The following CCDC148 variants were observed in gnomAD, a reference collection of about 807,000 sequenced individuals.
The protein encoded by CCDC148 is coiled-coil domain-containing protein 148.
Under a neutral mutation model 85.7 loss-of-function variants are expected in CCDC148, and 89 were observed. The ratio of observed to expected loss-of-function variants is 1.04; its 90% CI spans 0.87 to 1.24. The LOEUF is 1.24. Among genes scored for constraint, CCDC148 ranks in the 50% most tolerant of loss-of-function variants. The probability of loss-of-function intolerance (pLI) is 0.00; values close to 1 mark genes in which losing one functional copy is unlikely to be tolerated. For synonymous variants in CCDC148, 230 were observed against 213.9 expected, an observed-to-expected ratio of 1.08 and a Z score of -0.66; for missense variants, 692 against 671.7, an observed-to-expected ratio of 1.03 and a Z score of -0.33.
At chr2:158,415,688 CAA>C (rs1686468186) in intron 1 of CCDC148, among the ~76,000 whole-genome samples, 2 of 152,124 alleles carry the variant, frequency 1.3e-5, no homozygotes, top group South Asian at 4.1e-4. Context: ...ACTCCCTTTC[CAA>C]AAGAGAGAAA....
At chr2:158,222,741 C>T (rs548689890) in intron 10 of CCDC148, among the ~76,000 whole-genome samples, 3 of 152,214 alleles carry the variant, frequency 2.0e-5, no homozygotes, top group South Asian at 2.1e-4. Flanking sequence ...ATGTTAACAC[C>T]ACATGGATAT....
In CCDC148 at chr2:158,309,069, T is replaced by C. The variant is rs373020651; in HGVS notation, c.1110+364A>G. On this transcript the variant is annotated intron_variant, in intron 9 of 13. Transcript: ENST00000283233. ...CATTTGAACTTTTTGCTATCTTTGA[T>C]GTGAATGAGAAGTCCAAGAGTCTTT... 5.9e-5 allele frequency among the ~76,000 whole-genome samples: 9 copies of C among 152,334 alleles called. No homozygotes were observed. In the South Asian group the frequency reaches 1.7e-3, roughly 28 times the overall value.
chr2:158,279,537 T>C (rs1429826493), intron 9 of CCDC148, among the ~76,000 whole-genome samples: 2 of 151,826 alleles, frequency 1.3e-5, no homozygotes, highest in Non-Finnish European at 2.9e-5. Context: ...TGATGGAAGA[T>C]GAAATGAATG....
intron 2 of CCDC148, among the ~76,000 whole-genome samples, chr2:158,356,957 C>A (rs1429237952): frequency 3.8e-4 from 55 of 145,640 alleles, no homozygotes; most frequent in Middle Eastern, 3.2e-3. Context: ...TGGAAAACAT[C>A]ATTCTCAGTA....
At position 158,309,479 on chromosome 2, in the gene CCDC148, T is replaced by G. The variant is rs1312207246; in HGVS notation, c.1064A>C (p.Lys355Thr). 1.9e-6 allele frequency: 3 copies of G among 1,614,186 alleles called. No homozygotes were observed. Among genetic ancestry groups the G allele is most frequent in the Non-Finnish European group, 2.5e-6 (3 of 1,180,010 alleles). ...ATHEMESMLAKDKKKQQELCA... is the reference protein window; with the variant it reads ...ATHEMESMLATDKKKQQELCA... ...CAATTCCTGTTGCTTTTTCTTGTCC[T>G]TAGCCAACATGCTCTCCATTTCATG... The change falls in exon 9 of 14, where the codon AAG (lysine) becomes ACG (threonine). Residue 355 changes from lysine (K) to threonine (T), a missense_variant. By Grantham distance (78) the Lys-to-Thr change is moderately conservative (BLOSUM62 -1). Transcript: ENST00000283233.
chr2:158,204,426 G>A (rs572839473), intron 11 of CCDC148, among the ~76,000 whole-genome samples: 1 of 152,120 alleles, frequency 6.6e-6, no homozygotes, highest in Non-Finnish European at 1.5e-5. Context: ...AGTCATGAAA[G>A]CTATAAGGCT....
rs541668517 is a variant in CCDC148 at position 158,373,802 on chromosome 2, G to A, written c.26-15232C>T. 6.6e-5 allele frequency among the ~76,000 whole-genome samples: 10 copies of A among 151,962 alleles called. No individual in the cohort carries two copies. In the East Asian group the frequency reaches 1.9e-3, roughly 29 times the overall value. ...TCTCATTCTAATTATTTTCCTTTGT[G>A]GTACATCTCACTGTGTGGCATTATA... On this transcript the variant is annotated intron_variant, in intron 1 of 13. Transcript: ENST00000283233.
intron 8 of CCDC148, among the ~76,000 whole-genome samples, chr2:158,311,192 G>C (rs1225990757): frequency 6.6e-6 from 1 of 152,250 alleles, no homozygotes; most frequent in Non-Finnish European, 1.5e-5. Context: ...ATTGAGCACT[G>C]AGTGAGCCAA....
At chr2:158,399,003 C>T (rs927137594) in intron 1 of CCDC148, among the ~76,000 whole-genome samples, 16 of 151,998 alleles carry the variant, frequency 1.1e-4, no homozygotes, top group South Asian at 2.1e-4. Flanking sequence ...AACACCTCTA[C>T]GCAAATAAAC....
chr2:158,176,234 CAAAT>C (rs1468480839), intron 13 of CCDC148, among the ~76,000 whole-genome samples: 2 of 151,682 alleles, frequency 1.3e-5, no homozygotes, highest in African/African-American at 4.8e-5. Flanking sequence ...ACAGAGCTCT[CAAAT>C]AAAATTTTAT....
At chr2:158,249,602 G>A (rs1574483486) in intron 10 of CCDC148, among the ~76,000 whole-genome samples, 1 of 152,080 alleles carries the variant, frequency 6.6e-6, no homozygotes, top group East Asian at 1.9e-4. Context: ...TAACTTCTAT[G>A]TATGTTGTTT....
intron 7 of CCDC148, among the ~76,000 whole-genome samples, chr2:158,320,846 T>G (rs898273536): frequency 6.6e-6 from 1 of 152,174 alleles, no homozygotes; most frequent in Non-Finnish European, 1.5e-5. Flanking sequence ...TCATGCACCA[T>G]TACATTGTGC....
intron 11 of CCDC148, among the ~76,000 whole-genome samples, chr2:158,185,059 C>T (rs1313403276): frequency 6.6e-6 from 1 of 152,162 alleles, no homozygotes; most frequent in Admixed American, 6.6e-5. Context: ...TTTCTGTTTG[C>T]CTGTGCTAAA....
Position 158,220,610 on chromosome 2 carries a change from A to G in CCDC148, c.1355T>C (p.Leu452Pro). Reference sequence around the variant, plus strand: ...TTTCTTTTACCTTTCTCTGTCTTTTAGTGACTGTTCAGCGATTAATTTCTT... The same window carrying G: ...TTTCTTTTACCTTTCTCTGTCTTTTGGTGACTGTTCAGCGATTAATTTCTT... Reference protein sequence around the residue: ...ELKKLIAEQSLKDRERVKYRQ... With the variant: ...ELKKLIAEQSPKDRERVKYRQ... Residue 452 changes from leucine (L) to proline (P), a missense_variant, in exon 11 of 14, where the codon CTA becomes CCA. Coordinates refer to ENST00000283233, the MANE Select transcript of CCDC148 (RefSeq NM_138803.4). 6.2e-7 allele frequency: 1 copy of G among 1,604,838 alleles called. No homozygotes were observed. Among genetic ancestry groups the G allele is most frequent in the Non-Finnish European group, 8.5e-7 (1 of 1,176,646 alleles).
At chr2:158,415,012 G>T (rs1332284764) in intron 1 of CCDC148, among the ~76,000 whole-genome samples, 1 of 151,910 alleles carries the variant, frequency 6.6e-6, no homozygotes, top group Non-Finnish European at 1.5e-5. Context: ...GCAATGATTT[G>T]GTATGTATTA....
intron 10 of CCDC148, among the ~76,000 whole-genome samples, chr2:158,248,572 C>T (rs1160071222): frequency 1.3e-5 from 2 of 152,078 alleles, no homozygotes; most frequent in African/African-American, 4.8e-5. Flanking sequence ...TTTGATAGGG[C>T]ACTTCTTATA....
chr2:158,310,138 G>C (rs527683622), intron 8 of CCDC148, among the ~76,000 whole-genome samples: 1 of 152,284 alleles, frequency 6.6e-6, no homozygotes, highest in African/African-American at 2.4e-5. Context: ...TAAGGAGCAC[G>C]CTGCCTTCAA....
chr2:158,433,221 C>T (rs570703265), intron 1 of CCDC148, among the ~76,000 whole-genome samples: 2 of 138,806 alleles, frequency 1.4e-5, no homozygotes, highest in Non-Finnish European at 3.2e-5. Context: ...AATCAAACCA[C>T]TGTACTATAG....
chr2:158,276,152 T>C (rs1400052474), intron 9 of CCDC148, among the ~76,000 whole-genome samples: 1 of 152,160 alleles, frequency 6.6e-6, no homozygotes. Context: ...AAAAACCGCC[T>C]TGCCTCAGTG....
Sources: gnomAD v4.1 joint callset for allele counts (sites outside exome capture counted in the v4.1 genomes callset) on GRCh38, gnomAD v4.1.1 for gene constraint, MANE v1.5 for transcripts, NCBI Gene and HGNC (gene_info 2026-07-23, HGNC 2026-07-21) for gene names.